The following PLCB4 variants were observed in gnomAD, a reference collection of about 807,000 sequenced individuals.
PLCB4 encodes phospholipase C beta 4.
A neutral mutation model predicts 178.8 loss-of-function variants in PLCB4; 77 were observed. That is an observed-to-expected ratio of 0.43 (90% CI 0.36 to 0.52). PLCB4 has a LOEUF of 0.52. PLCB4 is among the 20% of genes least tolerant of loss of function. The pLI, the probability that PLCB4 is intolerant of heterozygous loss-of-function variation, is 0.00. For synonymous variants in PLCB4, 496 were observed against 490.8 expected (o/e 1.01, Z -0.14); for missense variants, 1,024 against 1,453.4 (o/e 0.70, Z 4.80).
chr20:9,369,404 A>G (rs967077889), intron 9 of PLCB4, among the ~76,000 whole-genome samples: 5 of 152,184 alleles, frequency 3.3e-5, no homozygotes, highest in African/African-American at 1.2e-4. Context: ...TTTCCCCTAA[A>G]TTAAAAAGGC....
intron 2 of PLCB4, among the ~76,000 whole-genome samples, chr20:9,102,743 G>T (rs73089469): frequency 4.6e-5 from 7 of 151,626 alleles, no homozygotes; most frequent in Middle Eastern, 3.2e-3. Context: ...GCATATTTGG[G>T]GGGGGGCTAT....
chr20:9,303,243 C>T (rs2094726172), intron 3 of PLCB4, among the ~76,000 whole-genome samples: 1 of 152,080 alleles, frequency 6.6e-6, no homozygotes, highest in African/African-American at 2.4e-5. Context: ...TACATACATG[C>T]TATATTCACC....
At chr20:9,419,234 A>G (rs1234146958) in intron 25 of PLCB4, among the ~76,000 whole-genome samples, 9 of 152,302 alleles carry the variant, frequency 5.9e-5, no homozygotes, top group Non-Finnish European at 1.2e-4. Context: ...TGAAATGTCA[A>G]TTACCTTTGA....
intron 4 of PLCB4, among the ~76,000 whole-genome samples, chr20:9,310,380 A>G (rs1015113664): frequency 1.3e-5 from 2 of 152,142 alleles, no homozygotes; most frequent in African/African-American, 4.8e-5. Context: ...ATGAACTCAA[A>G]TAGCAGGTAA....
intron 3 of PLCB4, among the ~76,000 whole-genome samples, chr20:9,283,809 C>T (rs981688083): frequency 1.3e-5 from 2 of 151,900 alleles, no homozygotes; most frequent in Non-Finnish European, 2.9e-5. Flanking sequence ...AAGGAGGAGG[C>T]TATATTTAAC....
chr20:9,390,932 A>G (rs2038089113), intron 17 of PLCB4, among the ~76,000 whole-genome samples: 1 of 152,166 alleles, frequency 6.6e-6, no homozygotes, highest in South Asian at 2.1e-4. Flanking sequence ...ATCACCTACA[A>G]AACTGTTAAA....
chr20:9,395,389 A>C (rs1022884317), intron 18 of PLCB4, 134 bp from the exon 19 acceptor site: 1 of 639,104 alleles, frequency 1.6e-6, no homozygotes, highest in Admixed American at 2.4e-5. Flanking sequence ...TGAACCTTAG[A>C]AACATGGTGC....
intron 3 of PLCB4, among the ~76,000 whole-genome samples, chr20:9,251,262 A>C (rs1398580361): frequency 6.6e-6 from 1 of 152,188 alleles, no homozygotes; most frequent in African/African-American, 2.4e-5. Flanking sequence ...TGCTAATGAA[A>C]GTGTGGTCCT....
chr20:9,079,832 T>A (rs200618518), intron 1 of PLCB4, among the ~76,000 whole-genome samples: 12 of 21,518 alleles, frequency 5.6e-4, no homozygotes, highest in African/African-American at 1.3e-3. Context: ...ATTAAAAAAA[T>A]TTTTTTTTTA....
At chr20:9,261,818 C>T (rs16995704) in intron 3 of PLCB4, among the ~76,000 whole-genome samples, 5,142 of 152,108 alleles carry the variant, frequency 0.034, 374 homozygotes, top group East Asian at 0.2. Flanking sequence ...CTGTGCACTT[C>T]GATACTCTCC....
At chr20:9,179,672 A>G (rs1206684292) in intron 2 of PLCB4, among the ~76,000 whole-genome samples, 3 of 152,166 alleles carry the variant, frequency 2.0e-5, no homozygotes, top group Non-Finnish European at 4.4e-5. Flanking sequence ...AAGTATGCCA[A>G]AGGTTGGCAG....
chr20:9,350,947 G>A (rs2034278927), intron 7 of PLCB4, among the ~76,000 whole-genome samples: 1 of 152,176 alleles, frequency 6.6e-6, no homozygotes, highest in South Asian at 2.1e-4. Context: ...TGATGTTAAT[G>A]TACTTTTTAG....
chr20:9,198,414 A>G (rs2093500049), intron 2 of PLCB4, among the ~76,000 whole-genome samples: 1 of 152,190 alleles, frequency 6.6e-6, no homozygotes, highest in Non-Finnish European at 1.5e-5. Context: ...TATTACAATT[A>G]CTGGTTCTGT....
chr20:9,296,058 A>G (rs1256928160), intron 3 of PLCB4, among the ~76,000 whole-genome samples: 1 of 152,080 alleles, frequency 6.6e-6, no homozygotes, highest in Admixed American at 6.6e-5. Context: ...ACTAGCATCA[A>G]AGTGAACAGG....
At chr20:9,213,128 CTTTTTTTTTTTTTTTT>C (rs56785951) in intron 2 of PLCB4, among the ~76,000 whole-genome samples, 2 of 35,726 alleles carry the variant, frequency 5.6e-5, no homozygotes, top group East Asian at 8.1e-4. Flanking sequence ...CGTTAGCATA[CTTTTTTTTTTTTTTTT>C]TTTTTTTTTT....
intron 2 of PLCB4, among the ~76,000 whole-genome samples, chr20:9,104,926 A>G (rs1277248225): frequency 6.6e-6 from 1 of 151,996 alleles, no homozygotes; most frequent in Non-Finnish European, 1.5e-5. Flanking sequence ...TAATATATGT[A>G]TATTTTATAT....
intron 3 of PLCB4, among the ~76,000 whole-genome samples, chr20:9,237,513 C>T (rs2094006576): frequency 6.6e-6 from 1 of 152,130 alleles, no homozygotes; most frequent in South Asian, 2.1e-4. Context: ...GTTAGAGATG[C>T]CAGATCTTGG....
At chr20:9,267,935 C>T (rs919931473) in intron 3 of PLCB4, among the ~76,000 whole-genome samples, 4 of 152,146 alleles carry the variant, frequency 2.6e-5, no homozygotes, top group Non-Finnish European at 4.4e-5. Context: ...CAGGGCATCA[C>T]ATGGCAAGGA....
At chr20:9,214,954 A>C (rs532576270) in intron 2 of PLCB4, among the ~76,000 whole-genome samples, 1 of 152,282 alleles carries the variant, frequency 6.6e-6, no homozygotes, top group South Asian at 2.1e-4. Context: ...AAGGGAAAAC[A>C]TGTGTCCAGT....
Sources: gnomAD v4.1 joint callset for allele counts (sites outside exome capture counted in the v4.1 genomes callset) on GRCh38, gnomAD v4.1.1 for gene constraint, MANE v1.5 for transcripts, NCBI Gene and HGNC (gene_info 2026-07-23, HGNC 2026-07-21) for gene names.